Variants in MARCHF2 observed in about 807,000 individuals in gnomAD.
MARCHF2 encodes the protein membrane associated ring-CH-type finger 2, also known as E3 ubiquitin-protein ligase MARCHF2.
In MARCHF2, 22 loss-of-function variants were observed where a neutral mutation model predicts 24.0. That is an observed-to-expected ratio of 0.92 (90% confidence interval 0.66 to 1.31). The LOEUF is 1.31. Among genes scored for constraint, MARCHF2 ranks in the 50% most tolerant of loss-of-function variants. The pLI, the probability that MARCHF2 is intolerant of heterozygous loss-of-function variation, is 0.00. For missense variants in MARCHF2, 301 were observed against 335.3 expected, an observed-to-expected ratio of 0.90 and a Z score of 0.80; for synonymous variants, 154 against 153.0, an observed-to-expected ratio of 1.01 and a Z score of -0.05.
At chr19:8,415,153 C>CT (rs1967043218) in intron 1 of MARCHF2, among the ~76,000 whole-genome samples, 1 of 152,118 alleles carries the variant, frequency 6.6e-6, no homozygotes, top group East Asian at 1.9e-4. Flanking sequence ...AATCCCAACA[C>CT]TTTGAGAGGC....
At chr19:8,427,686 G>T (rs1967445239) in intron 3 of MARCHF2, 1 of 152,158 alleles carries the variant, frequency 6.6e-6, no homozygotes, top group Non-Finnish European at 1.5e-5. Flanking sequence ...AAGCTGCCGG[G>T]CGCGGTGGCT....
At chr19:8,421,642 A>G in intron 1 of MARCHF2, 147 bp from the exon 2 acceptor site, 1 of 506,166 alleles carries the variant, frequency 2.0e-6, no homozygotes, top group Non-Finnish European at 3.5e-6. Flanking sequence ...CTGGCCCTAC[A>G]GAGGCCCATT....
intron 4 of MARCHF2, among the ~76,000 whole-genome samples, chr19:8,431,204 A>G (rs1165141236): frequency 6.6e-6 from 1 of 152,064 alleles, no homozygotes; most frequent in Non-Finnish European, 1.5e-5. Context: ...ATATATATTG[A>G]TTAAGAAATT....
chr19:8,432,987 G>A (rs939894995), intron 4 of MARCHF2, among the ~76,000 whole-genome samples: 18 of 151,974 alleles, frequency 1.2e-4, no homozygotes, highest in Admixed American at 3.3e-4. Context: ...AGGAGGTTGA[G>A]GCAGGCAGAT....
chr19:8,425,982 C>G (rs1460860356), intron 2 of MARCHF2, among the ~76,000 whole-genome samples: 1 of 151,372 alleles, frequency 6.6e-6, no homozygotes. Flanking sequence ...AATCCCAGCA[C>G]TTTGGGAGCC....
intron 1 of MARCHF2, among the ~76,000 whole-genome samples, chr19:8,419,825 ATAAAT>A (rs1967182832): frequency 7.1e-6 from 1 of 141,054 alleles, no homozygotes; most frequent in Admixed American, 7.1e-5. Flanking sequence ...CAAAAAAAAA[ATAAAT>A]AAATAAATAA....
intron 4 of MARCHF2, among the ~76,000 whole-genome samples, chr19:8,435,807 G>C (rs1020641061): frequency 6.6e-6 from 1 of 151,212 alleles, no homozygotes; most frequent in African/African-American, 2.4e-5. Flanking sequence ...GGGATTATAG[G>C]TGTGAGCCAC....
intron 3 of MARCHF2, among the ~76,000 whole-genome samples, 173 bp downstream of exon 3, chr19:8,426,977 A>C (rs1599709626): frequency 1.3e-5 from 2 of 152,130 alleles, no homozygotes; most frequent in African/African-American, 4.8e-5. Context: ...CCTAGGGTTT[A>C]AGAGCTCCCA....
chr19:8,422,072 A>T (rs1332884143), intron 2 of MARCHF2, 56 bp downstream of exon 2: 5 of 1,533,558 alleles, frequency 3.3e-6, no homozygotes, highest in Middle Eastern at 1.7e-4. Flanking sequence ...CTCTGGGCGC[A>T]GTGAGTTTCT....
In MARCHF2 at chr19:8,430,767, G is replaced by A. The variant is rs992957811; in HGVS notation, c.482G>A (p.Arg161His). Residue 161 changes from arginine (R) to histidine (H), a missense_variant, in exon 4 of 5, where the codon CGC becomes CAC. Coordinates refer to ENST00000215555, the MANE Select transcript of MARCHF2 (RefSeq NM_001005415.2). The surrounding 1 kb of genome is among the most constrained non-coding windows in gnomAD (Gnocchi z 4.4). ...LAAISGWLCL[R>H]GAQDHLRLHS... Reference sequence around the variant, plus strand: ...GCCATCTCAGGCTGGTTGTGCCTGCGCGGGGCCCAGGACCACCTCCGGCTC... The same window carrying A: ...GCCATCTCAGGCTGGTTGTGCCTGCACGGGGCCCAGGACCACCTCCGGCTC... 56 of 1,611,136 alleles carry A rather than the reference G, an allele frequency of 3.5e-5. No homozygotes were observed. Among genetic ancestry groups the A allele is most frequent in the Non-Finnish European group, 4.4e-5 (52 of 1,180,018 alleles).
intron 4 of MARCHF2, among the ~76,000 whole-genome samples, chr19:8,437,602 T>C (rs7408872): frequency 0.93 from 141,383 of 151,410 alleles, 66,785 homozygotes; most frequent in East Asian, 1. Flanking sequence ...CCACCTGCCT[T>C]GGCCTCCCAA....
chr19:8,425,690 C>A (rs1196002212), intron 2 of MARCHF2, among the ~76,000 whole-genome samples: 2 of 151,240 alleles, frequency 1.3e-5, no homozygotes, highest in Admixed American at 6.6e-5. Flanking sequence ...AATCTCGGCT[C>A]ACTGTAACCT....
intron 1 of MARCHF2, among the ~76,000 whole-genome samples, chr19:8,421,018 C>G (rs114499364): frequency 0.052 from 7,956 of 152,042 alleles, 349 homozygotes; most frequent in African/African-American, 0.12. Flanking sequence ...AGGCTGGTCT[C>G]AAACTCCTGG....
At chr19:8,424,001 AAAG>A (rs1343372832) in intron 2 of MARCHF2, among the ~76,000 whole-genome samples, 4 of 151,240 alleles carry the variant, frequency 2.6e-5, no homozygotes, top group African/African-American at 9.7e-5. Context: ...AAAAAAAAAA[AAAG>A]AAAGAAAAAA....
At chr19:8,420,405 G>T (rs888007065) in intron 1 of MARCHF2, among the ~76,000 whole-genome samples, 3 of 150,484 alleles carry the variant, frequency 2.0e-5, no homozygotes, top group Non-Finnish European at 4.4e-5. Context: ...GCATGGTGGT[G>T]CATGCCTGTA....
At chr19:8,435,852 G>GTGTC (rs1967705182) in intron 4 of MARCHF2, among the ~76,000 whole-genome samples, 1 of 151,318 alleles carries the variant, frequency 6.6e-6, no homozygotes, top group Admixed American at 6.6e-5. Context: ...GTGTGTGTGT[G>GTGTC]TGTGTGTGTG....
intron 4 of MARCHF2, 76 bp from the exon 5 acceptor site, chr19:8,438,312 C>G: frequency 6.6e-7 from 1 of 1,506,338 alleles, no homozygotes; most frequent in Non-Finnish European, 9.1e-7. Context: ...TTTGGGCCAA[C>G]GCAGGTGCCA....
chr19:8,422,814 C>T (rs1475047212), intron 2 of MARCHF2, among the ~76,000 whole-genome samples: 1 of 146,048 alleles, frequency 6.8e-6, no homozygotes, highest in African/African-American at 2.6e-5. Context: ...AAGCGATTCT[C>T]CTGCCTCAGC....
chr19:8,426,301 A>T (rs1967400861), intron 2 of MARCHF2, among the ~76,000 whole-genome samples: 1 of 146,830 alleles, frequency 6.8e-6, no homozygotes, highest in African/African-American at 2.5e-5. Flanking sequence ...TGGGTATTTT[A>T]GGGAAATTTG....
Sources: allele counts gnomAD v4.1 joint callset (sites outside exome capture counted in the v4.1 genomes callset), GRCh38; gene constraint gnomAD v4.1.1; non-coding constraint Gnocchi (gnomAD v3.1); transcripts MANE v1.5; gene names NCBI Gene and HGNC (gene_info 2026-07-23, HGNC 2026-07-21).